TIAM2: variants seen among roughly 807,000 people sequenced by gnomAD.
The protein encoded by TIAM2 is rho guanine nucleotide exchange factor TIAM2.
A neutral mutation model predicts 152.9 loss-of-function variants in TIAM2; 80 were observed. The ratio of observed to expected loss-of-function variants is 0.52; its 90% CI spans 0.44 to 0.63. The LOEUF is 0.63. TIAM2 is among the 30% of genes least tolerant of loss of function. The pLI, the probability that TIAM2 is intolerant of heterozygous loss-of-function variation, is 0.00. For synonymous variants in TIAM2, 804 were observed against 838.0 expected (o/e 0.96, Z 0.70); for missense variants, 1,965 against 2,120.1 (o/e 0.93, Z 1.44).
chr6:155,006,987 G>A (rs1191969356), intron 1 of TIAM2, among the ~76,000 whole-genome samples: 3 of 152,130 alleles, frequency 2.0e-5, no homozygotes, highest in Non-Finnish European at 4.4e-5. Context: ...CACTGTGCCC[G>A]GCCAATTTTT....
At chr6:155,087,777 A>G (rs759492440) in intron 1 of TIAM2, among the ~76,000 whole-genome samples, 3 of 152,286 alleles carry the variant, frequency 2.0e-5, no homozygotes, top group Non-Finnish European at 4.4e-5. Context: ...AATAAAATAA[A>G]TAAAAAATTT....
At chr6:155,003,541 A>G (rs1778349225) in intron 1 of TIAM2, among the ~76,000 whole-genome samples, 1 of 152,136 alleles carries the variant, frequency 6.6e-6, no homozygotes, top group African/African-American at 2.4e-5. Context: ...GAGAACAGAA[A>G]AGTCAGAGAG....
At chr6:155,189,008 T>A (rs2115161002) in intron 14 of TIAM2, among the ~76,000 whole-genome samples, 2 of 152,338 alleles carry the variant, frequency 1.3e-5, no homozygotes, top group East Asian at 3.9e-4. Context: ...CATTCTTTTT[T>A]TAAATCGCTG....
chr6:155,214,512 G>A lies in TIAM2; in HGVS notation c.3168+3205G>A, dbSNP rs1781805912. On this transcript the variant is annotated intron_variant, in intron 15 of 26. Transcript: ENST00000682666. This position sits in a 1 kb window ranked among gnomAD's most constrained non-coding sequence, Gnocchi z 5.4. ...TCCTCACTACCTGCTCTCTTCTCCC[G>A]TTTTCCATGCACCTTCTTCCAAATT... is the stretch of plus-strand genomic sequence containing the variant. Among the ~76,000 whole-genome samples the A allele has an allele frequency of 6.6e-6, 1 of 152,050 alleles. No homozygotes were observed. The highest frequency in any genetic ancestry group is 6.5e-5 in the Admixed American group (1 of 15,268).
At chr6:155,166,097 C>G (rs1201651295) in intron 9 of TIAM2, among the ~76,000 whole-genome samples, 1 of 152,044 alleles carries the variant, frequency 6.6e-6, no homozygotes, top group Non-Finnish European at 1.5e-5. Flanking sequence ...CTCACTAAAT[C>G]CTTAGAACAT....
At chr6:155,215,522 A>G (rs1300797230) in intron 15 of TIAM2, among the ~76,000 whole-genome samples, 1 of 152,214 alleles carries the variant, frequency 6.6e-6, no homozygotes, top group Non-Finnish European at 1.5e-5. Flanking sequence ...ATGTATAATG[A>G]TAGATTTCAG....
At position 155,063,213 on chromosome 6, in the gene TIAM2, G is replaced by A. The variant is rs1046639280; in HGVS notation, c.-208-27076G>A. 9.9e-5 allele frequency among the ~76,000 whole-genome samples: 15 copies of A among 152,214 alleles called. No individual in the cohort carries two copies. The East Asian group carries it at 2.3e-3, about 24-fold the overall frequency. ...TAGTGAGTCAAGACTTAGAAATGCA[G>A]TAACAAGATCTCTGCAACAAAGTTT... On this transcript the variant is annotated intron_variant, in intron 1 of 26. Transcript: ENST00000682666.
rs887022487 is a variant in TIAM2 at position 155,153,258 on chromosome 6, T to A, written c.2028+4924T>A. Among the ~76,000 whole-genome samples the A allele has an allele frequency of 4.4e-4, 67 of 152,030 alleles. 1 individual carries two copies. Among genetic ancestry groups the A allele is most frequent in the Non-Finnish European group, 1.0e-4 (7 of 68,012 alleles). On this transcript the variant is annotated intron_variant, in intron 7 of 26. Transcript: ENST00000682666. The stretch of plus-strand genomic sequence containing the variant: ...CTCCCAACCCCTGCCGTACATGCAC[T>A]CCCTTTCTCATGTTAGTCTTGTGAG...
intron 2 of TIAM2, among the ~76,000 whole-genome samples, chr6:155,115,182 A>G (rs1357254194): frequency 6.6e-6 from 1 of 152,006 alleles, no homozygotes; most frequent in Non-Finnish European, 1.5e-5. Context: ...AAAAAAAAAA[A>G]AAAAGGAATA....
chr6:155,137,427 C>T lies in TIAM2; in HGVS notation c.1445C>T (p.Thr482Ile). 1.9e-6 allele frequency: 3 copies of T among 1,614,188 alleles called. No homozygotes were observed. The South Asian group carries it at 3.3e-5, about 18-fold the overall frequency. The change falls in exon 5 of 27, where the codon ACC becomes ATC. Residue 482 changes from threonine (T) to isoleucine (I), a missense_variant. Transcript: ENST00000682666. ...GAGAACATAGAAACATCTACAGAAA[C>T]CGCCGAGTCCAGCAGCGAGTCACTC... ...NTENIETSTE[T>I]AESSSESLSS...
chr6:155,243,517 A>G (rs1156577958), intron 16 of TIAM2, among the ~76,000 whole-genome samples: 2 of 152,170 alleles, frequency 1.3e-5, no homozygotes, highest in African/African-American at 2.4e-5. Context: ...AACTCTTTGA[A>G]TTAGGTGAGC....
chr6:155,137,510 G>T lies in TIAM2; in HGVS notation c.1528G>T (p.Ala510Ser). ...FEKEQGVVRK[A>S]GWLFFKPLVT... ...GAAGGAACAGGGGGTGGTCCGGAAG[G>T]CCGGGTGGCTCTTCTTCAAGCCCCT... The change falls in exon 5 of 27, where the codon GCC becomes TCC. Residue 510 changes from alanine (A) to serine (S), a missense_variant. This residue lies in a region of TIAM2 where 1,025 missense variants were observed against 1,119.4 expected (regional missense o/e 0.92). Coordinates refer to ENST00000682666, the MANE Select transcript of TIAM2 (RefSeq NM_012454.4). 1.9e-6 allele frequency: 3 copies of T among 1,614,152 alleles called. No individual in the cohort carries two copies. The highest frequency in any genetic ancestry group is 2.5e-6 in the Non-Finnish European group (3 of 1,180,030).
At position 155,174,152 on chromosome 6, in the gene TIAM2, G is replaced by A. The variant is rs1160575305; in HGVS notation, c.2362-2664G>A. Among the ~76,000 whole-genome samples, 1 of 152,214 alleles carries A rather than the reference G, an allele frequency of 6.6e-6. No homozygotes were observed. Among genetic ancestry groups the A allele is most frequent in the Non-Finnish European group, 1.5e-5 (1 of 68,044 alleles). On this transcript the variant is annotated intron_variant, in intron 9 of 26. Coordinates refer to ENST00000682666, the MANE Select transcript of TIAM2 (RefSeq NM_012454.4). This position sits in a 1 kb window ranked among gnomAD's most constrained non-coding sequence, Gnocchi z 4.2. ...GGGCATTCTGTGTAGTATAGTGGTGGTGTGAACCAGCTCATCCCAGACTTC... is the reference window on the plus strand; with the variant it reads ...GGGCATTCTGTGTAGTATAGTGGTGATGTGAACCAGCTCATCCCAGACTTC...
In TIAM2 at chr6:155,129,520, A is replaced by G; in HGVS notation, c.297A>G (p.Pro99=). The stretch of plus-strand genomic sequence containing the variant: ...ACTCCACGCACAGGACAAATGCCCC[A>G]GGGAAGGATTTCCAGGGCATCAGTG... ...VAYSTHRTNA[P]GKDFQGISAA... The change falls in exon 4 of 27, where the codon CCA becomes CCG. Residue 99 remains proline (P), a synonymous_variant. Transcript: ENST00000682666. The surrounding 1 kb of genome is among the most constrained non-coding windows in gnomAD (Gnocchi z 4.8). 6.2e-7 allele frequency: 1 copy of G among 1,614,164 alleles called. No homozygotes were observed. Among genetic ancestry groups the G allele is most frequent in the Non-Finnish European group, 8.5e-7 (1 of 1,180,024 alleles).
intron 1 of TIAM2, among the ~76,000 whole-genome samples, chr6:155,080,933 T>G (rs911651656): frequency 6.6e-6 from 1 of 152,168 alleles, no homozygotes; most frequent in Non-Finnish European, 1.5e-5. Flanking sequence ...GAACCTTGCC[T>G]GGGATGAGCT....
intron 9 of TIAM2, among the ~76,000 whole-genome samples, chr6:155,176,230 C>T (rs954243829): frequency 5.9e-5 from 9 of 151,996 alleles, no homozygotes; most frequent in East Asian, 5.8e-4. Context: ...ACATGGATTG[C>T]GGTGTTCTTT....
chr6:155,019,997 G>A (rs1179224096), intron 1 of TIAM2, among the ~76,000 whole-genome samples: 1 of 152,074 alleles, frequency 6.6e-6, no homozygotes, highest in Non-Finnish European at 1.5e-5. Context: ...AGGTTGCAGT[G>A]AGCCGAGATT....
chr6:155,177,017 A>C, intron 10 of TIAM2, 40 bp downstream of exon 10: 2 of 1,578,638 alleles, frequency 1.3e-6, no homozygotes, highest in Non-Finnish European at 1.7e-6. Flanking sequence ...CTGAATAGAA[A>C]TAATCATTAA....
At chr6:155,002,703 C>T (rs372362593) in intron 1 of TIAM2, among the ~76,000 whole-genome samples, 65 of 98,300 alleles carry the variant, frequency 6.6e-4, no homozygotes, top group South Asian at 1.8e-3. Context: ...ATTTTTGACA[C>T]GGAGTTTCGT....
Sources: allele counts gnomAD v4.1 joint callset (sites outside exome capture counted in the v4.1 genomes callset), GRCh38; gene constraint gnomAD v4.1.1; regional missense constraint gnomAD v4.1.1; non-coding constraint Gnocchi (gnomAD v3.1); transcripts MANE v1.5; gene names NCBI Gene and HGNC (gene_info 2026-07-23, HGNC 2026-07-21).